CALCB: variants seen among roughly 807,000 people sequenced by gnomAD.
CALCB encodes the protein calcitonin related polypeptide beta.
In CALCB, 8 loss-of-function variants were observed where a neutral mutation model predicts 10.7. That is an observed-to-expected ratio of 0.75 (90% CI 0.44 to 1.34). CALCB has a LOEUF of 1.34. Among genes scored for constraint, CALCB ranks in the 40% most tolerant of loss-of-function variants. The probability of loss-of-function intolerance (pLI) is 0.01; values close to 1 mark genes in which losing one functional copy is unlikely to be tolerated. For synonymous variants in CALCB, 76 were observed against 66.9 expected, an observed-to-expected ratio of 1.14 and a Z score of -0.66; for missense variants, 176 against 162.5, an observed-to-expected ratio of 1.08 and a Z score of -0.45.
At chr11:15,077,560 A>G in intron 4 of CALCB, 90 bp downstream of exon 4, 2 of 1,320,404 alleles carry the variant, frequency 1.5e-6, no homozygotes, top group African/African-American at 1.5e-5. Context: ...TAGGTTCTTT[A>G]GGTTCCTTCT....
At chr11:15,077,872 CA>C in intron 4 of CALCB, among the ~76,000 whole-genome samples, 1 of 152,330 alleles carries the variant, frequency 6.6e-6, no homozygotes, top group African/African-American at 2.4e-5. Flanking sequence ...ATTTGCCTTA[CA>C]AGCCTGCTTA....
intron 4 of CALCB, 62 bp from the exon 5 acceptor site, chr11:15,078,021 C>G (rs530781864): frequency 6.6e-6 from 1 of 151,992 alleles, no homozygotes; most frequent in East Asian, 1.9e-4. Context: ...CATCTTCTTC[C>G]TTTTTCTCTC....
At position 15,074,740 on chromosome 11, in the gene CALCB, C is replaced by T. The variant is rs1336814260; in HGVS notation, c.22C>T (p.Pro8Ser). MGFRKFS[P>S]FLALSILVLY... Reference sequence around the variant, plus strand: ...CGGCATGGGTTTCCGGAAGTTCTCCCCCTTCCTGGCTCTCAGTATCTTGGT... The same window carrying T: ...CGGCATGGGTTTCCGGAAGTTCTCCTCCTTCCTGGCTCTCAGTATCTTGGT... Residue 8 changes from proline to serine, a missense_variant, in exon 2 of 5, where the codon CCC becomes TCC. Pro to Ser is a moderately conservative substitution (Grantham distance 74, BLOSUM62 -1). Coordinates refer to ENST00000324229, the MANE Select transcript of CALCB (RefSeq NM_000728.4). The T allele has an allele frequency of 5.6e-6, 9 of 1,614,006 alleles. No homozygotes were observed. In the Admixed American group the frequency reaches 1.3e-4, roughly 24 times the overall value.
At chr11:15,076,870 A>G (rs1338916900) in intron 3 of CALCB, among the ~76,000 whole-genome samples, 1 of 152,160 alleles carries the variant, frequency 6.6e-6, no homozygotes, top group Non-Finnish European at 1.5e-5. Flanking sequence ...CTGGGAGAGG[A>G]TGCTGCAAAC....
Position 15,075,134 on chromosome 11 carries a change from G to C in CALCB, c.160G>C (p.Val54Leu), listed in dbSNP as rs1850382480. Residue 54 changes from valine to leucine, a missense_variant, in exon 3 of 5, where the codon GTG (valine) becomes CTG (leucine). Transcript: ENST00000324229. ...CGCGCGCCTCCTGCTGGCTGCACTG[G>C]TGCAGGACTATGTGCAGATGAAGGC... The part of the protein sequence containing the change: ...EDARLLLAAL[V>L]QDYVQMKASE... The C allele has an allele frequency of 6.2e-7, 1 of 1,614,186 alleles. No homozygotes were observed. Among genetic ancestry groups the C allele is most frequent in the Non-Finnish European group, 8.5e-7 (1 of 1,180,004 alleles).
At chr11:15,074,977 A>G in intron 2 of CALCB, 84 bp from the exon 3 acceptor site, 1 of 1,547,966 alleles carries the variant, frequency 6.5e-7, no homozygotes, top group Non-Finnish European at 8.9e-7. Context: ...GGGAAGAAGC[A>G]GAGACCAGGA....
intron 3 of CALCB, among the ~76,000 whole-genome samples, chr11:15,077,012 G>A (rs970972861): frequency 1.3e-5 from 2 of 152,116 alleles, no homozygotes; most frequent in African/African-American, 4.8e-5. Context: ...TCTGGGCCTC[G>A]TTGCCCACTT....
chr11:15,075,701 C>T (rs994402955), intron 3 of CALCB, among the ~76,000 whole-genome samples: 2 of 152,148 alleles, frequency 1.3e-5, no homozygotes, highest in African/African-American at 4.8e-5. Context: ...GAAGCCCTTG[C>T]AGGGGGTGGG....
intron 3 of CALCB, among the ~76,000 whole-genome samples, chr11:15,076,088 T>A (rs565697473): frequency 6.6e-6 from 1 of 152,270 alleles, no homozygotes; most frequent in South Asian, 2.1e-4. Context: ...ACATGTCCCC[T>A]GCCTGGTCCA....
At position 15,077,319 on chromosome 11, in the gene CALCB, C is replaced by T. The variant is rs776708846; in HGVS notation, c.258C>T (p.Ala86=). The part of the protein sequence containing the change: ...SAAQKRACNT[A]TCVTHRLAGL... ...CCCAGAAGAGAGCCTGCAACACTGC[C>T]ACCTGTGTGACTCATCGGCTGGCAG... The change falls in exon 4 of 5, where the codon GCC becomes GCT. Residue 86 remains alanine, a synonymous_variant. Transcript: ENST00000324229. The T allele has an allele frequency of 6.2e-7, 1 of 1,614,240 alleles. No individual in the cohort carries two copies.
chr11:15,075,273 A>C (rs942696665), intron 3 of CALCB, 75 bp downstream of exon 3: 11 of 1,605,638 alleles, frequency 6.9e-6, no homozygotes, highest in Non-Finnish European at 8.5e-6. Context: ...CCCAAGAGGC[A>C]GGAGAGAACA....
chr11:15,078,594 T>C lies in CALCB; in HGVS notation c.*537T>C, dbSNP rs891195361. On this transcript the variant is annotated 3_prime_UTR_variant, in exon 5 of 5. Coordinates refer to ENST00000324229, the MANE Select transcript of CALCB (RefSeq NM_000728.4). ...AACTTGTTTTCTTATGTAATAATAATGATGATGATGATGATAATAATAAAT... is the reference window on the plus strand; with the variant it reads ...AACTTGTTTTCTTATGTAATAATAACGATGATGATGATGATAATAATAAAT... 2 of 152,122 alleles carry C rather than the reference T, an allele frequency of 1.3e-5. No homozygotes were observed. The highest frequency in any genetic ancestry group is 2.9e-5 in the Non-Finnish European group (2 of 68,028). 9.4% of individuals were successfully genotyped at this position (152,122 alleles called of 1,614,324 possible).
In CALCB at chr11:15,076,500, A is replaced by G. The variant is rs113310468; in HGVS notation, c.225-786A>G. ...TGACAGAGAATGTTTTGAAGACCTC[A>G]GGATGGAAGGGAAGACAGCAGGACT... On this transcript the variant is annotated intron_variant, in intron 3 of 4. Coordinates refer to ENST00000324229, the MANE Select transcript of CALCB (RefSeq NM_000728.4). Among the ~76,000 whole-genome samples, 737 of 152,314 alleles carry G rather than the reference A, an allele frequency of 4.8e-3. 6 individuals carry two copies. Among genetic ancestry groups the G allele is most frequent in the African/African-American group, 0.017 (696 of 41,562 alleles).
intron 4 of CALCB, 109 bp downstream of exon 4, chr11:15,077,579 A>G: frequency 9.0e-7 from 1 of 1,107,554 alleles, no homozygotes; most frequent in Non-Finnish European, 1.3e-6. Flanking sequence ...CTGTCCAGTT[A>G]CATTGTTCCT....
In CALCB at chr11:15,075,188, C is replaced by G; in HGVS notation, c.214C>G (p.Gln72Glu). ...ASELKQEQETQGSSSAAQKRA... is the reference protein window; with the variant it reads ...ASELKQEQETEGSSSAAQKRA... Reference sequence around the variant, plus strand: ...TGAGCTGAAGCAGGAGCAGGAGACACAGGGCTCCAGGTGAGGTTCCCCAAG... The same window carrying G: ...TGAGCTGAAGCAGGAGCAGGAGACAGAGGGCTCCAGGTGAGGTTCCCCAAG... Residue 72 changes from glutamine to glutamate, a missense_variant, in exon 3 of 5, where the codon CAG (glutamine) becomes GAG (glutamate). Gln to Glu is a conservative substitution (Grantham distance 29). Transcript: ENST00000324229. 1 of 1,614,130 alleles carries G rather than the reference C, an allele frequency of 6.2e-7. No individual in the cohort carries two copies.
Position 15,075,106 on chromosome 11 carries a change from G to T in CALCB, c.132G>T (p.Glu44Asp), listed in dbSNP as rs751247746. 155 of 1,614,226 alleles carry T rather than the reference G, an allele frequency of 9.6e-5. 2 individuals carry two copies. The Middle Eastern group carries it at 2.0e-3, about 21-fold the overall frequency. The change falls in exon 3 of 5, where the codon GAG (glutamate) becomes GAT (aspartate). Residue 44 changes from glutamate to aspartate, a missense_variant. Coordinates refer to ENST00000324229, the MANE Select transcript of CALCB (RefSeq NM_000728.4). ...CAGACCCGGCCACACTCAGTAAAGAGGACGCGCGCCTCCTGCTGGCTGCAC... is the reference window on the plus strand; with the variant it reads ...CAGACCCGGCCACACTCAGTAAAGATGACGCGCGCCTCCTGCTGGCTGCAC... ...SSPDPATLSKEDARLLLAALV... is the reference protein window; with the variant it reads ...SSPDPATLSKDDARLLLAALV...
rs571576025 is a variant in CALCB, at chr11:15,078,605, A to T, written c.*548A>T. ...TTATGTAATAATAATGATGATGATG[A>T]TGATAATAATAAATATTTTTGAGTG... On this transcript the variant is annotated 3_prime_UTR_variant, in exon 5 of 5. Coordinates refer to ENST00000324229, the MANE Select transcript of CALCB (RefSeq NM_000728.4). 6.6e-6 allele frequency: 1 copy of T among 152,236 alleles called. No homozygotes were observed. The highest frequency in any genetic ancestry group is 2.4e-5 in the African/African-American group (1 of 41,462). The allele number at this position is 152,236 out of a possible 1,614,324, so 9.4% of individuals were successfully genotyped here. A position where few individuals can be genotyped will look rare whatever the true frequency, so the allele number is the denominator to read the frequency against.
At chr11:15,077,215 C>T in intron 3 of CALCB, 71 bp from the exon 4 acceptor site, 1 of 1,536,426 alleles carries the variant, frequency 6.5e-7, no homozygotes, top group South Asian at 1.2e-5. Context: ...TGTTGCAGTT[C>T]TCTTCATGAA....
Position 15,077,430 on chromosome 11 carries a change from G to T in CALCB, c.369G>T (p.Arg123Ser), listed in dbSNP as rs756463828. 8 of 1,614,164 alleles carry T rather than the reference G, an allele frequency of 5.0e-6. No individual in the cohort carries two copies. The African/African-American group carries it at 9.3e-5, about 19-fold the overall frequency. Residue 123 changes from arginine (R) to serine (S), a missense_variant, in exon 4 of 5, where the codon AGG becomes AGT. By Grantham distance (110) the Arg-to-Ser change is moderately radical. Coordinates refer to ENST00000324229, the MANE Select transcript of CALCB (RefSeq NM_000728.4). ...VGSKAFGRRR[R>S]DLQA ...CCAAAGCCTTTGGCAGGCGCCGCAG[G>T]GACCTTCAAGCCTGAGCAGATGAAT...
Sources: allele counts gnomAD v4.1 joint callset (sites outside exome capture counted in the v4.1 genomes callset), GRCh38; gene constraint gnomAD v4.1.1; transcripts MANE v1.5; gene names NCBI Gene and HGNC (gene_info 2026-07-23, HGNC 2026-07-21).